The following DPF1 variants were observed in gnomAD, a reference collection of about 807,000 sequenced individuals.
DPF1 encodes double PHD fingers 1, also known as zinc finger protein neuro-d4.
Under a neutral mutation model 58.7 loss-of-function variants are expected in DPF1, and 14 were observed. The ratio of observed to expected loss-of-function variants is 0.24; its 90% CI spans 0.16 to 0.37. The LOEUF is 0.37. DPF1 is among the 10% of genes least tolerant of loss of function. DPF1 has a pLI of 1.00. For missense variants in DPF1, 345 were observed against 529.9 expected, an observed-to-expected ratio of 0.65 and a Z score of 3.43; for synonymous variants, 216 against 216.0, an observed-to-expected ratio of 1.00 and a Z score of 0.00.
In DPF1 at chr19:38,217,604, C is replaced by A; in HGVS notation, c.596-13G>T. 2 of 1,542,440 alleles carry A rather than the reference C, an allele frequency of 1.3e-6. No individual in the cohort carries two copies. Among genetic ancestry groups the A allele is most frequent in the Non-Finnish European group, 8.8e-7 (1 of 1,141,304 alleles). ...CGTTTCCCACAGACTGGGGAGCGAG[C>A]GAGCCAGGAGGGCCTGTCAGCCCCT... On this transcript the variant is annotated splice_polypyrimidine_tract_variant and intron_variant, in intron 6 of 11. Transcript: ENST00000355526.
In DPF1 at chr19:38,224,102, G is replaced by A. The variant is rs538831728; in HGVS notation, c.29+12C>T. On this transcript the variant is annotated intron_variant, in intron 1 of 11. Coordinates refer to ENST00000355526, the MANE Select transcript of DPF1 (RefSeq NM_001135155.3). The surrounding 1 kb of genome is among the most constrained non-coding windows in gnomAD (Gnocchi z 4.5). ...CCGCGCTTCCTCTCCGCCTCCCGCC[G>A]GCCCGCACCACCTCAGGGGGCCAGG... is the stretch of plus-strand genomic sequence containing the variant. 1.1e-5 allele frequency: 16 copies of A among 1,498,262 alleles called. No individual in the cohort carries two copies. Among genetic ancestry groups the A allele is most frequent in the Middle Eastern group, 1.8e-4 (1 of 5,680 alleles). The allele number at this position is 1,498,262 out of a possible 1,614,324, so 92.8% of individuals were successfully genotyped here.
At position 38,211,921 on chromosome 19, in the gene DPF1, G is replaced by A; in HGVS notation, c.*142C>T. 1.1e-6 allele frequency: 1 copy of A among 882,316 alleles called. No individual in the cohort carries two copies. The highest frequency in any genetic ancestry group is 3.5e-4 in the Middle Eastern group (1 of 2,890). 54.7% of individuals were successfully genotyped at this position (882,316 alleles called of 1,614,324 possible). On this transcript the variant is annotated 3_prime_UTR_variant, in exon 12 of 12. Coordinates refer to ENST00000355526, the MANE Select transcript of DPF1 (RefSeq NM_001135155.3). The surrounding 1 kb of genome is among the most constrained non-coding windows in gnomAD (Gnocchi z 4.0). ...ACAGGGCAGACATTCCACTTGCACA[G>A]AGGGGAGGGGGTGGCCCAGCCCCCT... is the stretch of plus-strand genomic sequence containing the variant.
chr19:38,225,113 G>T (rs114612979), upstream of DPF1, among the ~76,000 whole-genome samples: 6,664 of 152,226 alleles, frequency 0.044, 172 homozygotes, highest in Middle Eastern at 0.071. Flanking sequence ...GGGCATGGTG[G>T]CGCATGCTTA....
rs115584871 is a variant in DPF1 at position 38,212,586 on chromosome 19, G to A, written c.1012-225C>T. The stretch of plus-strand genomic sequence containing the variant: ...GCGATTTATAGTGGGGGTTTTATAA[G>A]GCTCTGTGGAAGGCTTATTATTATT... On this transcript the variant is annotated intron_variant, in intron 10 of 11. Coordinates refer to ENST00000355526, the MANE Select transcript of DPF1 (RefSeq NM_001135155.3). Among the ~76,000 whole-genome samples, 934 of 152,056 alleles carry A rather than the reference G, an allele frequency of 6.1e-3. 12 individuals carry two copies. Among genetic ancestry groups the A allele is most frequent in the African/African-American group, 0.022 (903 of 41,464 alleles).
chr19:38,222,210 C>T lies in DPF1; in HGVS notation c.298+147G>A. The T allele has an allele frequency of 1.5e-6, 1 of 680,354 alleles. No individual in the cohort carries two copies. The highest frequency in any genetic ancestry group is 2.2e-5 in the South Asian group (1 of 46,304). The allele number at this position is 680,354 out of a possible 1,614,324, so 42.1% of individuals were successfully genotyped here. On this transcript the variant is annotated intron_variant, in intron 3 of 11. Transcript: ENST00000355526. The surrounding 1 kb of genome is among the most constrained non-coding windows in gnomAD (Gnocchi z 4.9). ...GTGACTCAGAGAAACTGTGGAATCT[C>T]TGGGAAACACCCGGGACGCACATGG...
chr19:38,217,377 G>T (rs1054685604), intron 7 of DPF1, 83 bp downstream of exon 7: 6 of 775,724 alleles, frequency 7.7e-6, no homozygotes, highest in Non-Finnish European at 1.1e-5. Flanking sequence ...AATGTCTAAT[G>T]CCCCCCCACC....
rs147824649 is a variant in DPF1 at position 38,213,686 on chromosome 19, G to A, written c.969C>T (p.Ile323=). The A allele has an allele frequency of 3.8e-5, 62 of 1,613,766 alleles. No homozygotes were observed. Among genetic ancestry groups the A allele is most frequent in the Middle Eastern group, 1.6e-4 (1 of 6,082 alleles). Residue 323 remains isoleucine (I), a synonymous_variant, in exon 10 of 12, where the codon ATC becomes ATT. Coordinates refer to ENST00000355526, the MANE Select transcript of DPF1 (RefSeq NM_001135155.3). ...AAVRTYRWQC[I]ECKSCSLCGT... is the part of the protein sequence containing the mutation. ...CGCACAGGCTGCAGGATTTGCACTCGATGCACTGCCAGCGGTAGGTCCGCA... is the reference window on the plus strand; with the variant it reads ...CGCACAGGCTGCAGGATTTGCACTCAATGCACTGCCAGCGGTAGGTCCGCA...
chr19:38,222,302 T>C lies in DPF1; in HGVS notation c.298+55A>G. ...GGCGATAAAGGTGATGGACGAGTGC[T>C]AGGACACACAGCAGGCGCTGGGACA... On this transcript the variant is annotated intron_variant, in intron 3 of 11. Coordinates refer to ENST00000355526, the MANE Select transcript of DPF1 (RefSeq NM_001135155.3). The surrounding 1 kb of genome is among the most constrained non-coding windows in gnomAD (Gnocchi z 4.9). 1 of 1,452,834 alleles carries C rather than the reference T, an allele frequency of 6.9e-7. No homozygotes were observed. The highest frequency in any genetic ancestry group is 2.2e-5 in the Admixed American group (1 of 44,838). 90.0% of individuals were successfully genotyped at this position (1,452,834 alleles called of 1,614,324 possible). A position where few individuals can be genotyped will look rare whatever the true frequency, so the allele number is the denominator to read the frequency against.
chr19:38,214,226 C>A (rs1973677256), intron 9 of DPF1, among the ~76,000 whole-genome samples: 1 of 152,178 alleles, frequency 6.6e-6, no homozygotes, highest in South Asian at 2.1e-4. Context: ...CGGTTTCATG[C>A]AACTGAAGTC....
upstream of DPF1, among the ~76,000 whole-genome samples, chr19:38,228,388 C>CT (rs1432251893): frequency 6.6e-6 from 1 of 151,800 alleles, no homozygotes; most frequent in Admixed American, 6.6e-5. Context: ...CCCTCTCTCC[C>CT]TCTCTCCCCC....
At chr19:38,227,191 A>G (rs1205373351), upstream of DPF1, among the ~76,000 whole-genome samples, 1 of 147,856 alleles carries the variant, frequency 6.8e-6, no homozygotes. Flanking sequence ...CGATCCTCCC[A>G]CCTCAAACCC....
In DPF1 at chr19:38,213,358, T is replaced by C. The variant is rs529721991; in HGVS notation, c.1011+286A>G. On this transcript the variant is annotated intron_variant, in intron 10 of 11. Transcript: ENST00000355526. ...ATGGCTTTAAATCTCAGCTCTGCCA[T>C]TTCCCTAGCTGGCTGACCCTGGGCA... Among the ~76,000 whole-genome samples, 363 of 152,334 alleles carry C rather than the reference T, an allele frequency of 2.4e-3. 2 individuals carry two copies. Among genetic ancestry groups the C allele is most frequent in the Middle Eastern group, 0.01 (3 of 294 alleles).
At position 38,222,892 on chromosome 19, in the gene DPF1, C is replaced by T; in HGVS notation, c.30-184G>A. The T allele has an allele frequency of 1.2e-6, 1 of 838,950 alleles. No individual in the cohort carries two copies. Among genetic ancestry groups the T allele is most frequent in the Non-Finnish European group, 1.7e-6 (1 of 583,208 alleles). 52.0% of individuals were successfully genotyped at this position (838,950 alleles called of 1,614,324 possible). The stretch of plus-strand genomic sequence containing the variant: ...GGGGGAAGGGGACAGGGCCCAGGGG[C>T]CCCCAAACTGGGACTCAAACAGGCC... On this transcript the variant is annotated intron_variant, in intron 1 of 11. Transcript: ENST00000355526. This position sits in a 1 kb window ranked among gnomAD's most constrained non-coding sequence, Gnocchi z 4.9.
At chr19:38,215,134 G>A (rs1966920253) in intron 9 of DPF1, among the ~76,000 whole-genome samples, 1 of 151,160 alleles carries the variant, frequency 6.6e-6, no homozygotes, top group African/African-American at 2.4e-5. Flanking sequence ...CACCCAGCCT[G>A]GCCTATTTTT....
chr19:38,217,776 C>G (rs1290819136), intron 6 of DPF1, 22 bp downstream of exon 6: 1 of 1,613,752 alleles, frequency 6.2e-7, no homozygotes, highest in Non-Finnish European at 8.5e-7. Flanking sequence ...CTCTGCCTTT[C>G]CCCCTCTTCA....
At chr19:38,217,177 A>C (rs903120663) in intron 7 of DPF1, among the ~76,000 whole-genome samples, 2 of 152,206 alleles carry the variant, frequency 1.3e-5, no homozygotes, top group Non-Finnish European at 2.9e-5. Flanking sequence ...GGAGAAAGGG[A>C]AGGCAGGGCG....
Position 38,222,541 on chromosome 19 carries a change from G to T in DPF1, c.190+7C>A, listed in dbSNP as rs759615770. 15 of 1,605,306 alleles carry T rather than the reference G, an allele frequency of 9.3e-6. No individual in the cohort carries two copies. Among genetic ancestry groups the T allele is most frequent in the Non-Finnish European group, 1.3e-5 (15 of 1,176,300 alleles). ...GCCCCGCCCTGCGCCAGCCCTCCCG[G>T]CGGTACCCGGCCCGCGGTGGGTCTT... On this transcript the variant is annotated splice_region_variant and intron_variant, in intron 2 of 11. Coordinates refer to ENST00000355526, the MANE Select transcript of DPF1 (RefSeq NM_001135155.3). The surrounding 1 kb of genome is among the most constrained non-coding windows in gnomAD (Gnocchi z 4.9).
chr19:38,216,171 G>A lies in DPF1; in HGVS notation c.867C>T (p.Asp289=). The change falls in exon 9 of 12, where the codon GAC becomes GAT. Residue 289 remains aspartate (D), a synonymous_variant. Transcript: ENST00000355526. The part of the protein sequence containing the change: ...GGSKKTGCPE[D]LISCADCGRS... ...GCCCACAGTCCGCACAGGAGATGAG[G>A]TCCTCGGGACACCCCGTCTTCTTGG... is the stretch of plus-strand genomic sequence containing the variant. The A allele has an allele frequency of 1.9e-6, 3 of 1,614,076 alleles. No homozygotes were observed. In the South Asian group the frequency reaches 3.3e-5, roughly 18 times the overall value.
At chr19:38,215,386 G>A (rs868012798) in intron 9 of DPF1, among the ~76,000 whole-genome samples, 1 of 151,904 alleles carries the variant, frequency 6.6e-6, no homozygotes, top group African/African-American at 2.4e-5. Flanking sequence ...CTAGCTACTC[G>A]GGAGGCTGAA....
Sources: gnomAD v4.1 joint callset for allele counts (sites outside exome capture counted in the v4.1 genomes callset) on GRCh38, gnomAD v4.1.1 for gene constraint, Gnocchi (gnomAD v3.1) non-coding constraint, MANE v1.5 for transcripts, NCBI Gene and HGNC (gene_info 2026-07-23, HGNC 2026-07-21) for gene names.